EXOC2: variants seen among roughly 807,000 people sequenced by gnomAD.
EXOC2 encodes exocyst complex component 2.
Under a neutral mutation model 131.8 loss-of-function variants are expected in EXOC2, and 70 were observed. That is an observed-to-expected ratio of 0.53 (90% CI 0.44 to 0.65). The LOEUF (loss-of-function observed/expected upper bound fraction) is 0.65. Ranked by LOEUF, EXOC2 falls within the 30% of genes least tolerant of loss-of-function variation. The pLI is 0.00. For missense variants in EXOC2, 923 were observed against 1,108.6 expected (o/e 0.83, Z 2.38); for synonymous variants, 411 against 398.4 (o/e 1.03, Z -0.38).
intron 6 of EXOC2, among the ~76,000 whole-genome samples, chr6:616,420 G>C (rs998494321): frequency 6.6e-6 from 1 of 151,848 alleles, no homozygotes; most frequent in African/African-American, 2.4e-5. Flanking sequence ...TGGCTAACAC[G>C]GTGAAACCCC....
intron 23 of EXOC2, among the ~76,000 whole-genome samples, chr6:512,682 G>A (rs950671842): frequency 1.4e-4 from 22 of 152,146 alleles, no homozygotes; most frequent in African/African-American, 4.6e-4. Flanking sequence ...TGTTAGCCCC[G>A]TGGTCTGACC....
At chr6:562,919 C>T in intron 16 of EXOC2, 74 bp from the exon 17 acceptor site, 1 of 1,089,774 alleles carries the variant, frequency 9.2e-7, no homozygotes, top group South Asian at 1.9e-5. Flanking sequence ...AAAATGTATA[C>T]AGGTTATGGT....
At chr6:635,446 TCAAA>T (rs1382483516) in intron 2 of EXOC2, among the ~76,000 whole-genome samples, 1 of 152,212 alleles carries the variant, frequency 6.6e-6, no homozygotes, top group Admixed American at 6.5e-5. Context: ...AGCAAATAAT[TCAAA>T]CACAGATTCA....
At chr6:627,636 C>T (rs542877213) in intron 4 of EXOC2, among the ~76,000 whole-genome samples, 8 of 152,310 alleles carry the variant, frequency 5.3e-5, no homozygotes, top group Admixed American at 3.9e-4. Context: ...GACGGAGTGA[C>T]GGTCTTGCAT....
chr6:486,440 A>G lies in EXOC2; in HGVS notation c.*231T>C. The G allele has an allele frequency of 2.3e-6, 1 of 426,242 alleles. No homozygotes were observed. Among genetic ancestry groups the G allele is most frequent in the Non-Finnish European group, 4.2e-6 (1 of 240,582 alleles). The allele number at this position is 426,242 out of a possible 1,614,324, so 26.4% of individuals were successfully genotyped here. A position where few individuals can be genotyped will look rare whatever the true frequency, so the allele number is the denominator to read the frequency against. On this transcript the variant is annotated 3_prime_UTR_variant, in exon 28 of 28. Coordinates refer to ENST00000230449, the MANE Select transcript of EXOC2 (RefSeq NM_018303.6). Reference sequence around the variant, plus strand: ...CAAAATATATTTTAAAATGTATTTTAAAGTCATACAGGATCTGATCTAGTA... The same window carrying G: ...CAAAATATATTTTAAAATGTATTTTGAAGTCATACAGGATCTGATCTAGTA...
chr6:596,076 C>T (rs1368785180), intron 10 of EXOC2, among the ~76,000 whole-genome samples: 3 of 152,038 alleles, frequency 2.0e-5, no homozygotes, highest in African/African-American at 7.3e-5. Flanking sequence ...ACCGCACAAG[C>T]GTCCTTTCAT....
At chr6:646,489 G>C (rs1176420150) in intron 1 of EXOC2, among the ~76,000 whole-genome samples, 1 of 114,398 alleles carries the variant, frequency 8.7e-6, no homozygotes, top group Non-Finnish European at 1.9e-5. Context: ...TGAAGTTATA[G>C]CAAAATAAAA....
chr6:642,106 T>C (rs1301439489), intron 1 of EXOC2, among the ~76,000 whole-genome samples: 1 of 152,154 alleles, frequency 6.6e-6, no homozygotes, highest in African/African-American at 2.4e-5. Flanking sequence ...TGCCACATGC[T>C]TGTATTCATG....
chr6:591,102 G>C (rs542951726), intron 11 of EXOC2, among the ~76,000 whole-genome samples: 1 of 152,240 alleles, frequency 6.6e-6, no homozygotes, highest in African/African-American at 2.4e-5. Context: ...AACGGCCCTG[G>C]AGTCCATGCT....
intron 3 of EXOC2, among the ~76,000 whole-genome samples, chr6:631,356 G>C (rs1761842759): frequency 6.6e-6 from 1 of 152,090 alleles, no homozygotes; most frequent in South Asian, 2.1e-4. Flanking sequence ...TGACCAACAT[G>C]GTGAAACCCC....
At chr6:542,527 G>A (rs761926579) in intron 22 of EXOC2, among the ~76,000 whole-genome samples, 18 of 152,112 alleles carry the variant, frequency 1.2e-4, no homozygotes, top group Admixed American at 2.0e-4. Flanking sequence ...TGTGAAGTCC[G>A]GATTGACTGA....
chr6:571,869 C>T (rs372078550), intron 13 of EXOC2, among the ~76,000 whole-genome samples: 5 of 152,296 alleles, frequency 3.3e-5, no homozygotes, highest in African/African-American at 9.6e-5. Flanking sequence ...CCTTTCATGG[C>T]GCACTTGAGG....
At chr6:579,305 T>C (rs137936740) in intron 11 of EXOC2, among the ~76,000 whole-genome samples, 1 of 152,342 alleles carries the variant, frequency 6.6e-6, no homozygotes, top group African/African-American at 2.4e-5. Context: ...GATTGATTTT[T>C]TTTCCTTTAA....
At chr6:624,253 G>A (rs895495698) in intron 4 of EXOC2, among the ~76,000 whole-genome samples, 3 of 152,164 alleles carry the variant, frequency 2.0e-5, no homozygotes, top group Non-Finnish European at 2.9e-5. Flanking sequence ...TATTCCCAAC[G>A]GGAAGCAGCA....
intron 1 of EXOC2, among the ~76,000 whole-genome samples, chr6:667,474 GACC>G (rs1012104575): frequency 1.0e-5 from 1 of 97,076 alleles, no homozygotes; most frequent in African/African-American, 3.1e-5. Flanking sequence ...TGAATCAGTG[GACC>G]AAGTAAGAAA....
intron 17 of EXOC2, among the ~76,000 whole-genome samples, chr6:558,781 C>T (rs578041949): frequency 1.3e-5 from 2 of 152,060 alleles, no homozygotes; most frequent in South Asian, 2.1e-4. Flanking sequence ...CCACTGCACT[C>T]CAGCCTGGGT....
At chr6:618,547 G>C (rs1761126786) in intron 5 of EXOC2, among the ~76,000 whole-genome samples, 1 of 152,200 alleles carries the variant, frequency 6.6e-6, no homozygotes, top group African/African-American at 2.4e-5. Context: ...TTCTACATCT[G>C]TAATGTAAAA....
chr6:490,508 T>A (rs1363381726), intron 26 of EXOC2, among the ~76,000 whole-genome samples: 18 of 152,244 alleles, frequency 1.2e-4, no homozygotes. Context: ...GCTGACAGAA[T>A]GACAGCAAGC....
intron 11 of EXOC2, among the ~76,000 whole-genome samples, chr6:590,755 C>A (rs1243240980): frequency 6.6e-6 from 1 of 152,184 alleles, no homozygotes; most frequent in Non-Finnish European, 1.5e-5. Flanking sequence ...TCTTCTTCTA[C>A]CAGCCCCTAA....
Sources: gnomAD v4.1 joint callset for allele counts (sites outside exome capture counted in the v4.1 genomes callset) on GRCh38, gnomAD v4.1.1 for gene constraint, MANE v1.5 for transcripts, NCBI Gene and HGNC (gene_info 2026-07-23, HGNC 2026-07-21) for gene names.